The following EPC2 variants were observed in gnomAD, a reference collection of about 807,000 sequenced individuals.
EPC2 encodes enhancer of polycomb 2.
A neutral mutation model predicts 92.1 loss-of-function variants in EPC2; 14 were observed. That is an observed-to-expected ratio of 0.15 (90% confidence interval 0.10 to 0.24). The LOEUF (loss-of-function observed/expected upper bound fraction) is 0.24, where lower values mean the gene tolerates loss of function less well. Among genes scored for constraint, EPC2 ranks in the 10% least tolerant of loss-of-function variants. The pLI is 1.00. For synonymous variants in EPC2, 340 were observed against 334.7 expected (o/e 1.02, Z -0.17); for missense variants, 755 against 971.5 (o/e 0.78, Z 2.96).
intron 2 of EPC2, among the ~76,000 whole-genome samples, chr2:148,712,474 A>G (rs1682167219): frequency 6.6e-6 from 1 of 152,230 alleles, no homozygotes; most frequent in South Asian, 2.1e-4. Context: ...AACCACATAT[A>G]CAATTATAAT....
chr2:148,657,521 T>G (rs2039580152), intron 1 of EPC2, among the ~76,000 whole-genome samples: 1 of 152,126 alleles, frequency 6.6e-6, no homozygotes, highest in African/African-American at 2.4e-5. Context: ...GAATAGGGCC[T>G]GGGAATTTGC....
chr2:148,781,885 T>C, intron 11 of EPC2, 105 bp downstream of exon 11: 1 of 1,337,176 alleles, frequency 7.5e-7, no homozygotes. Context: ...TTGCCACTCT[T>C]GATTTGGGGT....
chr2:148,704,795 T>C (rs1237755594), intron 2 of EPC2, among the ~76,000 whole-genome samples: 1 of 152,192 alleles, frequency 6.6e-6, no homozygotes, highest in Admixed American at 6.5e-5. Flanking sequence ...CAAATTAGCT[T>C]TGCATATTGT....
At chr2:148,714,067 C>A (rs1322055019) in intron 2 of EPC2, among the ~76,000 whole-genome samples, 1 of 138,572 alleles carries the variant, frequency 7.2e-6, no homozygotes, top group Non-Finnish European at 1.6e-5. Context: ...CACCCCCCAC[C>A]CTCTGACAGG....
intron 2 of EPC2, among the ~76,000 whole-genome samples, chr2:148,694,636 ACTTTGT>A (rs1201954437): frequency 6.6e-6 from 1 of 152,196 alleles, no homozygotes; most frequent in Non-Finnish European, 1.5e-5. Context: ...TAAGGAAACA[ACTTTGT>A]TTACATTTCA....
At chr2:148,713,346 A>G (rs1682193308) in intron 2 of EPC2, among the ~76,000 whole-genome samples, 2 of 152,212 alleles carry the variant, frequency 1.3e-5, no homozygotes, top group Non-Finnish European at 2.9e-5. Flanking sequence ...AGTTTTTGAC[A>G]CAAAAAAATT....
At chr2:148,783,149 A>G (rs537348795) in intron 11 of EPC2, among the ~76,000 whole-genome samples, 25 of 152,310 alleles carry the variant, frequency 1.6e-4, no homozygotes, top group Admixed American at 3.9e-4. Flanking sequence ...AGGAATGGCC[A>G]TTTAACTTTA....
intron 7 of EPC2, among the ~76,000 whole-genome samples, chr2:148,767,022 G>C (rs1683422839): frequency 6.6e-6 from 1 of 151,636 alleles, no homozygotes; most frequent in Admixed American, 6.6e-5. Flanking sequence ...CATCTTTACC[G>C]AAAAAACAGA....
At chr2:148,656,036 G>C (rs867154289) in intron 1 of EPC2, among the ~76,000 whole-genome samples, 1 of 91,392 alleles carries the variant, frequency 1.1e-5, no homozygotes, top group Non-Finnish European at 2.2e-5. Flanking sequence ...GGGGGGGGGG[G>C]GGTTATTCTA....
intron 10 of EPC2, among the ~76,000 whole-genome samples, chr2:148,776,185 A>G (rs1574637622): frequency 6.6e-6 from 1 of 152,144 alleles, no homozygotes; most frequent in Non-Finnish European, 1.5e-5. Flanking sequence ...AATTGTCATA[A>G]ATGTTTGCAA....
chr2:148,707,225 C>T (rs1232809276), intron 2 of EPC2, among the ~76,000 whole-genome samples: 3 of 152,122 alleles, frequency 2.0e-5, no homozygotes, highest in Non-Finnish European at 4.4e-5. Flanking sequence ...AGACTTCATA[C>T]CAACAAAGAT....
chr2:148,763,039 T>C (rs937262274), intron 6 of EPC2, among the ~76,000 whole-genome samples: 1 of 152,130 alleles, frequency 6.6e-6, no homozygotes, highest in African/African-American at 2.4e-5. Context: ...TAATAGCTAG[T>C]AAGTGGCAGA....
rs1553538197 is a variant in EPC2 at position 148,663,195 on chromosome 2, T to TATTATC, written c.153+18030_153+18031insCATTAT. On this transcript the variant is annotated intron_variant, in intron 1 of 13. Coordinates refer to ENST00000258484, the MANE Select transcript of EPC2 (RefSeq NM_015630.4). Reference sequence around the variant, plus strand: ...TCAAAAGGTATCTACTGTGTTTTTGTATTATTATTATTATTATTATTATTA... The same window carrying TATTATC: ...TCAAAAGGTATCTACTGTGTTTTTGTATTATCATTATTATTATTATTATTATTATTA... Among the ~76,000 whole-genome samples the TATTATC allele has an allele frequency of 1.9e-3, 11 of 5,702 alleles. No individual in the cohort carries two copies. The Admixed American group carries it at 0.026, about 13-fold the overall frequency. The allele number at this position is 5,702 out of a possible 152,430, so 3.7% of individuals were successfully genotyped here.
At chr2:148,762,892 T>C in intron 6 of EPC2, 90 bp downstream of exon 6, 1 of 1,401,422 alleles carries the variant, frequency 7.1e-7, no homozygotes, top group Non-Finnish European at 9.5e-7. Flanking sequence ...ATGGTTTGAG[T>C]AAAGAAAAAG....
intron 3 of EPC2, among the ~76,000 whole-genome samples, chr2:148,745,193 C>T (rs139654869): frequency 1.6e-4 from 25 of 152,014 alleles, no homozygotes; most frequent in African/African-American, 6.0e-4. Context: ...GGATTTTAAT[C>T]GCAGGCATCA....
At chr2:148,661,952 A>G (rs1312659106) in intron 1 of EPC2, among the ~76,000 whole-genome samples, 1 of 152,240 alleles carries the variant, frequency 6.6e-6, no homozygotes, top group African/African-American at 2.4e-5. Flanking sequence ...AGAATCTACA[A>G]TGAACTCAAA....
At chr2:148,770,063 A>G (rs924019958) in intron 8 of EPC2, among the ~76,000 whole-genome samples, 2 of 152,126 alleles carry the variant, frequency 1.3e-5, no homozygotes, top group African/African-American at 4.8e-5. Flanking sequence ...TATTTCTTTT[A>G]GAGACAGGGT....
chr2:148,776,993 G>A (rs982464054), intron 10 of EPC2, among the ~76,000 whole-genome samples: 1 of 151,264 alleles, frequency 6.6e-6, no homozygotes, highest in Non-Finnish European at 1.5e-5. Context: ...CCAAGTAGCT[G>A]GGATTATAGG....
chr2:148,742,258 G>A (rs909075173), intron 2 of EPC2, among the ~76,000 whole-genome samples: 13 of 152,258 alleles, frequency 8.5e-5, no homozygotes, highest in Admixed American at 2.6e-4. Flanking sequence ...AAGTTCAAGA[G>A]GATACATTTT....
Sources: gnomAD v4.1 joint callset for allele counts (sites outside exome capture counted in the v4.1 genomes callset) on GRCh38, gnomAD v4.1.1 for gene constraint, MANE v1.5 for transcripts, NCBI Gene and HGNC (gene_info 2026-07-23, HGNC 2026-07-21) for gene names.